HIVEP2: variants seen among roughly 807,000 people sequenced by gnomAD.
The protein encoded by HIVEP2 is HIVEP zinc finger 2.
HIVEP2 carries 14 observed loss-of-function variants against 180.7 expected under a neutral mutation model. That is an observed-to-expected ratio of 0.08 (90% CI 0.05 to 0.12). The LOEUF is 0.12. Among genes scored for constraint, HIVEP2 ranks in the 10% least tolerant of loss-of-function variants. HIVEP2 has a pLI of 1.00. For missense variants in HIVEP2, 2,579 were observed against 3,008.5 expected, an observed-to-expected ratio of 0.86 and a Z score of 3.34; for synonymous variants, 1,184 against 1,136.4, an observed-to-expected ratio of 1.04 and a Z score of -0.84.
At chr6:142,886,819 G>A (rs1325167281) in intron 1 of HIVEP2, among the ~76,000 whole-genome samples, 1 of 152,116 alleles carries the variant, frequency 6.6e-6, no homozygotes, top group Non-Finnish European at 1.5e-5. Context: ...GCTTTACTCT[G>A]GAGGGCAGCT....
intron 1 of HIVEP2, among the ~76,000 whole-genome samples, chr6:142,912,550 T>C (rs569972684): frequency 3.7e-4 from 57 of 152,324 alleles, no homozygotes; most frequent in African/African-American, 1.3e-3. Context: ...TTACCAGTAA[T>C]GGTCCATGGC....
intron 1 of HIVEP2, among the ~76,000 whole-genome samples, chr6:142,877,341 GAAGAAAATATGGCCACAATAT>G (rs1776469220): frequency 2.0e-5 from 3 of 152,182 alleles, no homozygotes; most frequent in Middle Eastern, 3.4e-3. Flanking sequence ...AAGGCCAAGT[GAAGAAAATATGGCCACAATAT>G]AAGAAAATAT....
chr6:142,795,305 T>A (rs1430312451), intron 2 of HIVEP2, among the ~76,000 whole-genome samples: 1 of 152,164 alleles, frequency 6.6e-6, no homozygotes, highest in African/African-American at 2.4e-5. Context: ...TTATTTGGAA[T>A]CTCACTTTCA....
intron 6 of HIVEP2, among the ~76,000 whole-genome samples, chr6:142,766,644 G>A (rs369218555): frequency 1.9e-3 from 285 of 152,148 alleles, no homozygotes; most frequent in African/African-American, 6.6e-3. Context: ...TGATTAACTT[G>A]CTTCCAGAAT....
chr6:142,756,191 A>G (rs1239059009), intron 9 of HIVEP2, among the ~76,000 whole-genome samples: 1 of 152,192 alleles, frequency 6.6e-6, no homozygotes, highest in Non-Finnish European at 1.5e-5. Context: ...TACCCTACGC[A>G]TCTCTTCAAC....
chr6:142,890,549 G>C (rs1036985904), intron 1 of HIVEP2, among the ~76,000 whole-genome samples: 3 of 152,262 alleles, frequency 2.0e-5, no homozygotes, highest in Non-Finnish European at 4.4e-5. Context: ...GGATCAGAGT[G>C]GCAAGTGCAC....
chr6:142,760,312 A>G lies in HIVEP2; in HGVS notation c.5976T>C (p.Asp1992=), dbSNP rs530358868. The G allele has an allele frequency of 3.7e-6, 6 of 1,614,058 alleles. No homozygotes were observed. The East Asian group carries it at 6.7e-5, about 18-fold the overall frequency. ...QLMTPSDSCE[D]TQMTEYQRLF... The stretch of plus-strand genomic sequence containing the variant: ...GCCTCTGGTATTCTGTCATCTGGGT[A>G]TCTTCACATGAATCACTGGGTGTCA... Residue 1992 remains aspartate, a synonymous_variant, in exon 9 of 10, where the codon GAT becomes GAC. Coordinates refer to ENST00000367603, the MANE Select transcript of HIVEP2 (RefSeq NM_006734.4).
chr6:142,793,750 C>A (rs2114733456), intron 2 of HIVEP2, among the ~76,000 whole-genome samples: 1 of 150,332 alleles, frequency 6.7e-6, no homozygotes, highest in East Asian at 2.0e-4. Context: ...TCTGTCACAC[C>A]CAGGCTAAAG....
At chr6:142,845,059 G>T (rs759310507) in intron 1 of HIVEP2, among the ~76,000 whole-genome samples, 3 of 152,198 alleles carry the variant, frequency 2.0e-5, no homozygotes, top group Non-Finnish European at 4.4e-5. Context: ...GAGCTGGTAA[G>T]ATTTTTCATG....
chr6:142,881,958 A>G (rs150877810), intron 1 of HIVEP2, among the ~76,000 whole-genome samples: 93 of 152,328 alleles, frequency 6.1e-4, no homozygotes, highest in African/African-American at 2.2e-3. Flanking sequence ...TTAAGATAAC[A>G]CAGTTAAAGC....
chr6:142,838,319 T>C (rs1476875378), intron 1 of HIVEP2, among the ~76,000 whole-genome samples: 3 of 152,114 alleles, frequency 2.0e-5, no homozygotes, highest in African/African-American at 7.2e-5. Flanking sequence ...CATTTGGACA[T>C]GGTCTCAAAA....
intron 1 of HIVEP2, among the ~76,000 whole-genome samples, chr6:142,896,981 C>T (rs948247951): frequency 6.6e-6 from 1 of 152,178 alleles, no homozygotes; most frequent in Non-Finnish European, 1.5e-5. Context: ...TTGTTCTCTT[C>T]TCTACCTCCA....
At chr6:142,878,086 G>T (rs1248173494) in intron 1 of HIVEP2, among the ~76,000 whole-genome samples, 1 of 152,066 alleles carries the variant, frequency 6.6e-6, no homozygotes, top group Non-Finnish European at 1.5e-5. Context: ...ATTTTTATAG[G>T]AGTGGAGGCA....
At chr6:142,897,609 A>G (rs994031524) in intron 1 of HIVEP2, among the ~76,000 whole-genome samples, 2 of 152,220 alleles carry the variant, frequency 1.3e-5, no homozygotes, top group Non-Finnish European at 2.9e-5. Flanking sequence ...GACGCAGAGC[A>G]TATGATTCCA....
At chr6:142,760,839 T>C (rs1775213480) in intron 8 of HIVEP2, among the ~76,000 whole-genome samples, 172 bp from the exon 9 acceptor site, 1 of 152,220 alleles carries the variant, frequency 6.6e-6, no homozygotes, top group South Asian at 2.1e-4. Context: ...CTGCGTTCAT[T>C]CTATCTTCTT....
At chr6:142,870,987 C>T (rs1776278295) in intron 1 of HIVEP2, among the ~76,000 whole-genome samples, 1 of 152,150 alleles carries the variant, frequency 6.6e-6, no homozygotes, top group Admixed American at 6.6e-5. Flanking sequence ...ACTTTGTACA[C>T]CTACTCTTCC....
chr6:142,943,017 AAC>A lies in HIVEP2; in HGVS notation c.-641+2080_-641+2081del, dbSNP rs994416499. On this transcript the variant is annotated intron_variant, in intron 1 of 9. Transcript: ENST00000367603. This position sits in a 1 kb window ranked among gnomAD's most constrained non-coding sequence, Gnocchi z 4.5. ...CAAAGGGATTATGACACTTGAAACAAACACACTATCATTAAGTAAATACTGGT... is the reference window on the plus strand; with the variant it reads ...CAAAGGGATTATGACACTTGAAACAAACACTATCATTAAGTAAATACTGGT... Among the ~76,000 whole-genome samples the A allele has an allele frequency of 3.9e-5, 6 of 152,334 alleles. No individual in the cohort carries two copies. Among genetic ancestry groups the A allele is most frequent in the South Asian group, 4.1e-4 (2 of 4,828 alleles).
chr6:142,862,706 T>C (rs1333535129), intron 1 of HIVEP2, among the ~76,000 whole-genome samples: 3 of 140,848 alleles, frequency 2.1e-5, no homozygotes, highest in African/African-American at 7.7e-5. Flanking sequence ...TATATGTAAC[T>C]ATATATTATA....
intron 1 of HIVEP2, among the ~76,000 whole-genome samples, chr6:142,866,170 C>T (rs772674575): frequency 6.6e-6 from 1 of 152,156 alleles, no homozygotes; most frequent in Non-Finnish European, 1.5e-5. Context: ...CTAATCCTGG[C>T]TCTGCCTCTA....
Sources: gnomAD v4.1 joint callset for allele counts (sites outside exome capture counted in the v4.1 genomes callset) on GRCh38, gnomAD v4.1.1 for gene constraint, Gnocchi (gnomAD v3.1) non-coding constraint, MANE v1.5 for transcripts, NCBI Gene and HGNC (gene_info 2026-07-23, HGNC 2026-07-21) for gene names.